ZCCHC14: variants seen among roughly 807,000 people sequenced by gnomAD.
ZCCHC14 encodes the protein zinc finger CCHC-type containing 14, also known as zinc finger CCHC domain-containing protein 14.
Under a neutral mutation model 85.0 loss-of-function variants are expected in ZCCHC14, and 16 were observed. That is an observed-to-expected ratio of 0.19 (90% CI 0.13 to 0.29). The LOEUF is 0.29. Ranked by LOEUF, ZCCHC14 falls within the 10% of genes least tolerant of loss-of-function variation. The pLI, the probability that ZCCHC14 is intolerant of heterozygous loss-of-function variation, is 1.00. For synonymous variants in ZCCHC14, 775 were observed against 630.7 expected (o/e 1.23, Z -3.43); for missense variants, 1,303 against 1,443.5 (o/e 0.90, Z 1.58).
rs535010833 is a variant in ZCCHC14 at position 87,476,294 on chromosome 16, T to C, written c.570+15375A>G. Among the ~76,000 whole-genome samples, 25 of 152,230 alleles carry C rather than the reference T, an allele frequency of 1.6e-4. No homozygotes were observed. The Middle Eastern group carries it at 0.01, about 62-fold the overall frequency. ...GAATGAAAAGCACCAAAATGGTAAA[T>C]AGACCTGGTTCCACTTAGGGGTTGG... On this transcript the variant is annotated intron_variant, in intron 1 of 12. Coordinates refer to ENST00000671377, the MANE Select transcript of ZCCHC14 (RefSeq NM_015144.3).
At chr16:87,455,044 T>C (rs750562075) in intron 2 of ZCCHC14, among the ~76,000 whole-genome samples, 1 of 152,186 alleles carries the variant, frequency 6.6e-6, no homozygotes, top group Non-Finnish European at 1.5e-5. Flanking sequence ...ATCCCAGCAC[T>C]GTGGGAGGCC....
intron 4 of ZCCHC14, among the ~76,000 whole-genome samples, chr16:87,421,552 C>G (rs1269504658): frequency 6.6e-6 from 1 of 152,124 alleles, no homozygotes; most frequent in Non-Finnish European, 1.5e-5. Flanking sequence ...AGAGTGAAGG[C>G]CCTTGCCCCC....
chr16:87,419,524 A>T (rs1042042026), intron 6 of ZCCHC14, among the ~76,000 whole-genome samples: 2 of 151,114 alleles, frequency 1.3e-5, no homozygotes, highest in African/African-American at 4.9e-5. Context: ...GCTGGTCTTG[A>T]ACTCCTGACC....
intron 2 of ZCCHC14, among the ~76,000 whole-genome samples, 176 bp downstream of exon 2, chr16:87,459,832 T>C (rs973072205): frequency 8.5e-5 from 13 of 152,174 alleles, no homozygotes; most frequent in African/African-American, 2.2e-4. Context: ...ACATCAATAA[T>C]TGAGATTTTT....
chr16:87,484,633 G>A (rs1350836493), intron 1 of ZCCHC14, among the ~76,000 whole-genome samples: 4 of 152,312 alleles, frequency 2.6e-5, no homozygotes, highest in Admixed American at 6.5e-5. Flanking sequence ...ACCTATTCGC[G>A]GGTACCAGCG....
chr16:87,443,998 C>T (rs1390576304), intron 2 of ZCCHC14, among the ~76,000 whole-genome samples: 1 of 142,928 alleles, frequency 7.0e-6, no homozygotes, highest in African/African-American at 2.6e-5. Flanking sequence ...GACTGTGCCA[C>T]TGCACTGCAG....
intron 2 of ZCCHC14, among the ~76,000 whole-genome samples, chr16:87,447,303 T>G (rs950966989): frequency 6.6e-6 from 1 of 151,608 alleles, no homozygotes; most frequent in African/African-American, 2.4e-5. Context: ...GGGGGTCAGG[T>G]GTTTTTTTTT....
At chr16:87,476,181 C>T (rs1911996994) in intron 1 of ZCCHC14, among the ~76,000 whole-genome samples, 1 of 152,086 alleles carries the variant, frequency 6.6e-6, no homozygotes, top group African/African-American at 2.4e-5. Flanking sequence ...AAACTAAGAG[C>T]CTTTCTTGCC....
intron 2 of ZCCHC14, among the ~76,000 whole-genome samples, chr16:87,438,832 C>T (rs188035968): frequency 1.3e-5 from 2 of 152,310 alleles, no homozygotes; most frequent in South Asian, 2.1e-4. Context: ...CAGCAGAGGG[C>T]CCTACAGTGG....
chr16:87,470,901 G>C (rs145901804), intron 1 of ZCCHC14: 95 of 152,266 alleles, frequency 6.2e-4, no homozygotes, highest in African/African-American at 2.3e-3. Context: ...CAATTTTTCT[G>C]TGAGGAACAA....
At position 87,470,898 on chromosome 16, in the gene ZCCHC14, T is replaced by C. The variant is rs549573581; in HGVS notation, c.571-10767A>G. On this transcript the variant is annotated intron_variant, in intron 1 of 12. Transcript: ENST00000671377. ...TTTTATTTTTCTGTTTTCCAATTTT[T>C]CTGTGAGGAACAATCACTACTTCTA... 2.0e-5 allele frequency: 3 copies of C among 152,348 alleles called. No homozygotes were observed. The South Asian group carries it at 6.2e-4, about 32-fold the overall frequency. The allele number at this position is 152,348 out of a possible 1,614,324, so 9.4% of individuals were successfully genotyped here.
intron 2 of ZCCHC14, among the ~76,000 whole-genome samples, chr16:87,456,577 TGAATTCTTGTCTTCTTA>T (rs796366142): frequency 0.011 from 1,622 of 147,896 alleles, 38 homozygotes; most frequent in African/African-American, 0.039. Context: ...AGATTTTAGG[TGAATTCTTGTCTTCTTA>T]GAATTCATGT....
intron 2 of ZCCHC14, among the ~76,000 whole-genome samples, chr16:87,439,906 T>C (rs1910104072): frequency 6.6e-6 from 1 of 152,242 alleles, no homozygotes; most frequent in Non-Finnish European, 1.5e-5. Flanking sequence ...AGCAGCTCTC[T>C]ACATCCTTTA....
At chr16:87,469,615 G>A (rs1464267068) in intron 1 of ZCCHC14, among the ~76,000 whole-genome samples, 2 of 152,250 alleles carry the variant, frequency 1.3e-5, no homozygotes, top group African/African-American at 4.8e-5. Flanking sequence ...CTGTGAACTG[G>A]AAAAATGTTA....
Position 87,420,589 on chromosome 16 carries a change from G to A in ZCCHC14, c.950+18C>T. 3 of 1,602,296 alleles carry A rather than the reference G, an allele frequency of 1.9e-6. No homozygotes were observed. Among genetic ancestry groups the A allele is most frequent in the African/African-American group, 1.3e-5 (1 of 74,824 alleles). Reference sequence around the variant, plus strand: ...CTTGCCAGCTGTGGACGCGCCGGGTGCCTGGTAAGGGCCTCACCTCAGGCC... The same window carrying A: ...CTTGCCAGCTGTGGACGCGCCGGGTACCTGGTAAGGGCCTCACCTCAGGCC... On this transcript the variant is annotated intron_variant, in intron 5 of 12. Coordinates refer to ENST00000671377, the MANE Select transcript of ZCCHC14 (RefSeq NM_015144.3). This position sits in a 1 kb window ranked among gnomAD's most constrained non-coding sequence, Gnocchi z 5.0.
chr16:87,482,921 T>C (rs1409375746), intron 1 of ZCCHC14, among the ~76,000 whole-genome samples: 1 of 152,184 alleles, frequency 6.6e-6, no homozygotes, highest in Non-Finnish European at 1.5e-5. Flanking sequence ...GGGCGTCATG[T>C]GTATTATGTA....
At chr16:87,473,126 T>G (rs1319895429) in intron 1 of ZCCHC14, 1 of 152,008 alleles carries the variant, frequency 6.6e-6, no homozygotes, top group Non-Finnish European at 1.5e-5. Flanking sequence ...CAGGCATAGA[T>G]GCAATCTAAC....
chr16:87,479,265 A>T (rs1258640709), intron 1 of ZCCHC14, among the ~76,000 whole-genome samples: 1 of 151,794 alleles, frequency 6.6e-6, no homozygotes, highest in Non-Finnish European at 1.5e-5. Context: ...AAAATACAAA[A>T]ATTAGCCGGG....
chr16:87,473,919 C>G (rs181353482), intron 1 of ZCCHC14: 2 of 152,282 alleles, frequency 1.3e-5, no homozygotes, highest in Admixed American at 1.3e-4. Flanking sequence ...ACCACAAACT[C>G]TATTCCAGGA....
Sources: gnomAD v4.1 joint callset for allele counts (sites outside exome capture counted in the v4.1 genomes callset) on GRCh38, gnomAD v4.1.1 for gene constraint, Gnocchi (gnomAD v3.1) non-coding constraint, MANE v1.5 for transcripts, NCBI Gene and HGNC (gene_info 2026-07-23, HGNC 2026-07-21) for gene names.